The following GLIPR1L1 variants were observed in gnomAD, a reference collection of about 807,000 sequenced individuals.
GLIPR1L1 encodes GLIPR1-like protein 1.
A neutral mutation model predicts 29.9 loss-of-function variants in GLIPR1L1; 26 were observed. That is an observed-to-expected ratio of 0.87 (90% CI 0.64 to 1.21). The LOEUF is 1.21. GLIPR1L1 is among the 50% of genes most tolerant of loss of function. GLIPR1L1 has a pLI of 0.00. For synonymous variants in GLIPR1L1, 77 were observed against 97.5 expected (o/e 0.79, Z 1.24); for missense variants, 305 against 290.3 (o/e 1.05, Z -0.37).
intron 4 of GLIPR1L1, among the ~76,000 whole-genome samples, chr12:75,363,741 G>A: frequency 6.6e-6 from 1 of 152,116 alleles, no homozygotes. Flanking sequence ...GATTTATTCT[G>A]AGCAAACATG....
chr12:75,369,505 A>T (rs2044216317), intron 4 of GLIPR1L1: 1 of 977,096 alleles, frequency 1.0e-6, no homozygotes, highest in Admixed American at 6.2e-5. Flanking sequence ...GCTGGATGCT[A>T]TTAGAATGGT....
At chr12:75,343,981 T>C (rs751660895) in intron 2 of GLIPR1L1, 43 bp downstream of exon 2, 2 of 1,479,032 alleles carry the variant, frequency 1.4e-6, no homozygotes, top group Non-Finnish European at 1.8e-6. Flanking sequence ...TATTTGTGCA[T>C]ATTTTAATTG....
chr12:75,359,776 A>T (rs2043443156), intron 3 of GLIPR1L1: 1 of 152,162 alleles, frequency 6.6e-6, no homozygotes, highest in Non-Finnish European at 1.5e-5. Flanking sequence ...ACAATTAGTT[A>T]TCCATAAAGT....
chr12:75,355,725 C>T (rs1287724227), intron 3 of GLIPR1L1, among the ~76,000 whole-genome samples: 2 of 152,118 alleles, frequency 1.3e-5, no homozygotes, highest in African/African-American at 4.8e-5. Context: ...ATGGAATCAA[C>T]CTAAATGCCC....
intron 3 of GLIPR1L1, among the ~76,000 whole-genome samples, chr12:75,357,315 A>G (rs1422253753): frequency 2.0e-5 from 3 of 152,208 alleles, no homozygotes; most frequent in African/African-American, 7.2e-5. Context: ...TCAAGAGAAC[A>G]TAAGAGTCCT....
At chr12:75,359,355 G>GTTTTTTTTTTT (rs1463566931) in intron 3 of GLIPR1L1, among the ~76,000 whole-genome samples, 5 of 46,444 alleles carry the variant, frequency 1.1e-4, no homozygotes, top group Non-Finnish European at 2.1e-4. Context: ...CAGCATTGTT[G>GTTTTTTTTTTT]TCTTTTTTTT....
intron 3 of GLIPR1L1, among the ~76,000 whole-genome samples, chr12:75,358,109 C>G (rs949757966): frequency 6.6e-6 from 1 of 150,774 alleles, no homozygotes; most frequent in East Asian, 1.9e-4. Context: ...CCATACTGAT[C>G]AAAAAAAGAT....
At chr12:75,338,935 T>A (rs1363487739) in intron 1 of GLIPR1L1, among the ~76,000 whole-genome samples, 3 of 152,218 alleles carry the variant, frequency 2.0e-5, no homozygotes, top group Non-Finnish European at 4.4e-5. Flanking sequence ...TTGATCTCAT[T>A]CCTTTTTATG....
chr12:75,349,747 G>A (rs1162191985), intron 3 of GLIPR1L1, among the ~76,000 whole-genome samples: 1 of 151,982 alleles, frequency 6.6e-6, no homozygotes, highest in African/African-American at 2.4e-5. Flanking sequence ...AATTATCCAA[G>A]ACAGTGATTC....
chr12:75,366,540 T>G (rs1212421491), intron 4 of GLIPR1L1, among the ~76,000 whole-genome samples: 18 of 152,156 alleles, frequency 1.2e-4, no homozygotes, highest in Non-Finnish European at 1.6e-4. Flanking sequence ...GCCCTCAAAC[T>G]TTTTCATTTT....
At position 75,363,206 on chromosome 12, in the gene GLIPR1L1, T is replaced by C. The variant is rs1462953176; in HGVS notation, c.610+16T>C. On this transcript the variant is annotated intron_variant, in intron 4 of 5. Coordinates refer to ENST00000378695, the MANE Select transcript of GLIPR1L1 (RefSeq NM_001304964.2). Reference sequence around the variant, plus strand: ...AACCTCTGCAGTAAGCAAAAATATATATATATAATTACATTTAGAGAGTAA... The same window carrying C: ...AACCTCTGCAGTAAGCAAAAATATACATATATAATTACATTTAGAGAGTAA... The C allele has an allele frequency of 3.4e-6, 4 of 1,164,604 alleles. No homozygotes were observed. Among genetic ancestry groups the C allele is most frequent in the African/African-American group, 1.6e-5 (1 of 61,306 alleles). 72.1% of individuals were successfully genotyped at this position (1,164,604 alleles called of 1,614,324 possible).
rs533361314 is a variant in GLIPR1L1 at position 75,355,329 on chromosome 12, C to G, written c.521+7607C>G. On this transcript the variant is annotated intron_variant, in intron 3 of 5. Coordinates refer to ENST00000378695, the MANE Select transcript of GLIPR1L1 (RefSeq NM_001304964.2). ...GGGCAAAAGACATGAACAGACACTT[C>G]TCAAAATAAGACATTTATGCAGCCA... 2.5e-4 allele frequency among the ~76,000 whole-genome samples: 38 copies of G among 152,314 alleles called. 1 individual carries two copies. The highest frequency in any genetic ancestry group is 1.2e-4 in the Non-Finnish European group (8 of 68,028).
chr12:75,363,868 G>A (rs1049221668), intron 4 of GLIPR1L1, among the ~76,000 whole-genome samples: 1 of 152,126 alleles, frequency 6.6e-6, no homozygotes, highest in Non-Finnish European at 1.5e-5. Context: ...ATCAATACAT[G>A]CAAGATGTAC....
intron 1 of GLIPR1L1, among the ~76,000 whole-genome samples, chr12:75,342,621 G>T (rs1232339576): frequency 5.9e-5 from 9 of 152,090 alleles, no homozygotes; most frequent in Non-Finnish European, 1.2e-4. Flanking sequence ...ATCTGGTAGA[G>T]AAAGTCTCCA....
rs897012694 is a variant in GLIPR1L1 at position 75,363,479 on chromosome 12, T to C, written c.610+289T>C. ...ACTATGGGTTGAAATGCTTCTTATT[T>C]TTACTCGCTTTCATTGACCTCTTGT... is the stretch of plus-strand genomic sequence containing the variant. On this transcript the variant is annotated intron_variant, in intron 4 of 5. Transcript: ENST00000378695. Among the ~76,000 whole-genome samples, 4 of 152,290 alleles carry C rather than the reference T, an allele frequency of 2.6e-5. No individual in the cohort carries two copies. In the East Asian group the frequency reaches 7.7e-4, roughly 29 times the overall value.
intron 3 of GLIPR1L1, among the ~76,000 whole-genome samples, chr12:75,349,230 G>A (rs2042649481): frequency 6.6e-6 from 1 of 152,178 alleles, no homozygotes; most frequent in Non-Finnish European, 1.5e-5. Context: ...AACTGCTCCA[G>A]ACCCACCTAA....
chr12:75,363,051 A>C (rs369558692), intron 3 of GLIPR1L1, 51 bp from the exon 4 acceptor site: 4 of 948,302 alleles, frequency 4.2e-6, no homozygotes, highest in Non-Finnish European at 6.4e-6. Context: ...CATGAACAAA[A>C]TTGGAGAAAT....
At chr12:75,358,486 A>C (rs1438068707) in intron 3 of GLIPR1L1, among the ~76,000 whole-genome samples, 2 of 151,394 alleles carry the variant, frequency 1.3e-5, no homozygotes, top group Non-Finnish European at 3.0e-5. Context: ...ATAGATTCAG[A>C]AAAAGCCAAA....
At chr12:75,351,469 C>A (rs555214014) in intron 3 of GLIPR1L1, among the ~76,000 whole-genome samples, 1 of 152,116 alleles carries the variant, frequency 6.6e-6, no homozygotes, top group South Asian at 2.1e-4. Context: ...GGAAGCCCAT[C>A]AGACTAACAG....
Sources: allele counts gnomAD v4.1 joint callset (sites outside exome capture counted in the v4.1 genomes callset), GRCh38; gene constraint gnomAD v4.1.1; transcripts MANE v1.5; gene names NCBI Gene and HGNC (gene_info 2026-07-23, HGNC 2026-07-21).